The following PASK variants were observed in gnomAD, a reference collection of about 807,000 sequenced individuals.
The protein encoded by PASK is PAS domain containing serine/threonine kinase.
In PASK, 110 loss-of-function variants were observed where a neutral mutation model predicts 121.0. The ratio of observed to expected loss-of-function variants is 0.91; its 90% CI spans 0.78 to 1.06. The LOEUF (loss-of-function observed/expected upper bound fraction) is 1.06. Among genes scored for constraint, PASK ranks in the 50% least tolerant of loss-of-function variants. The pLI is 0.00. For synonymous variants in PASK, 686 were observed against 717.8 expected, an observed-to-expected ratio of 0.96 and a Z score of 0.71; for missense variants, 1,643 against 1,702.3, an observed-to-expected ratio of 0.97 and a Z score of 0.61.
chr2:241,113,062 C>T (rs1024658939), intron 14 of PASK, among the ~76,000 whole-genome samples: 6 of 152,212 alleles, frequency 3.9e-5, no homozygotes, highest in African/African-American at 1.4e-4. Context: ...GCTTCGTTCC[C>T]ACGGAGGTGC....
intron 14 of PASK, chr2:241,114,812 C>T (rs924410687): frequency 3.5e-6 from 5 of 1,436,326 alleles, no homozygotes; most frequent in African/African-American, 1.4e-5. Context: ...CATACTTTCT[C>T]AGTCATTCCA....
In PASK at chr2:241,130,563, G is replaced by A. The variant is rs151008825; in HGVS notation, c.1463+2311C>T. On this transcript the variant is annotated intron_variant, in intron 9 of 17. Coordinates refer to ENST00000234040, the MANE Select transcript of PASK (RefSeq NM_015148.4). The stretch of plus-strand genomic sequence containing the variant: ...CACGGCCGCCCCACTTCAGCTTGGT[G>A]GCACCTCTGGAGAGGTGCGCACAGC... 1.1e-3 allele frequency among the ~76,000 whole-genome samples: 163 copies of A among 152,202 alleles called. 5 individuals carry two copies. The highest frequency in any genetic ancestry group is 8.9e-3 in the Admixed American group (136 of 15,290).
intron 12 of PASK, among the ~76,000 whole-genome samples, chr2:241,119,096 A>G (rs894849097): frequency 2.0e-5 from 3 of 152,142 alleles, no homozygotes; most frequent in Admixed American, 2.0e-4. Flanking sequence ...CACAAACCAA[A>G]GATACCATAG....
intron 1 of PASK, among the ~76,000 whole-genome samples, chr2:241,144,224 C>A (rs998139986): frequency 6.6e-6 from 1 of 152,178 alleles, no homozygotes; most frequent in Non-Finnish European, 1.5e-5. Context: ...GACCACCCTG[C>A]AGAGTGGAGA....
At chr2:241,137,896 G>T in intron 6 of PASK, 57 bp downstream of exon 6, 1 of 1,594,316 alleles carries the variant, frequency 6.3e-7, no homozygotes, top group Non-Finnish European at 8.6e-7. Flanking sequence ...CTCCAGTTAT[G>T]GATTCAGAGC....
upstream of PASK, chr2:241,149,518 C>A: frequency 1.3e-6 from 1 of 787,390 alleles, no homozygotes; most frequent in Non-Finnish European, 2.0e-6. Context: ...CACCGATTGA[C>A]AAGCTCCACG....
At chr2:241,114,903 T>A (rs751689403) in intron 14 of PASK, 140 bp downstream of exon 14, 2 of 1,561,100 alleles carry the variant, frequency 1.3e-6, no homozygotes, top group Middle Eastern at 2.1e-4. Context: ...AAAATATATA[T>A]CCTACTCCAT....
intron 2 of PASK, among the ~76,000 whole-genome samples, chr2:241,141,868 C>T (rs1226586532): frequency 6.6e-6 from 1 of 152,156 alleles, no homozygotes; most frequent in Admixed American, 6.5e-5. Flanking sequence ...CAGCCACTCT[C>T]GCCCCTGCTC....
rs2064974401 is a variant in PASK, at chr2:241,108,375, A to G, written c.3534-75T>C. ...GCCAAGCCCGCCCATGGGAAGCACC[A>G]TGGCCCTTCCCGACCAGCACACAGG... is the stretch of plus-strand genomic sequence containing the variant. On this transcript the variant is annotated intron_variant, in intron 15 of 17. Transcript: ENST00000234040. This position sits in a 1 kb window ranked among gnomAD's most constrained non-coding sequence, Gnocchi z 5.2. The G allele has an allele frequency of 2.0e-6, 3 of 1,491,392 alleles. No homozygotes were observed. Among genetic ancestry groups the G allele is most frequent in the Admixed American group, 1.7e-5 (1 of 59,176 alleles). The allele number at this position is 1,491,392 out of a possible 1,614,324, so 92.4% of individuals were successfully genotyped here.
At chr2:241,139,454 A>G in intron 4 of PASK, 1 of 464,540 alleles carries the variant, frequency 2.2e-6, no homozygotes, top group Non-Finnish European at 4.5e-6. Context: ...TGAGAGAATC[A>G]ACACTGTCTA....
In PASK at chr2:241,122,813, T is replaced by G. The variant is rs2065676108; in HGVS notation, c.2991A>C (p.Gln997His). 6.2e-7 allele frequency: 1 copy of G among 1,614,014 alleles called. No homozygotes were observed. The highest frequency in any genetic ancestry group is 1.1e-5 in the South Asian group (1 of 91,084). ...CCAGCGGGCTCATGGTACTGTACTT[T>G]TGGGAGTACTCGCCCTCACAGGCCG... ...GLAACEGEYS[Q>H]KYSTMSPLGS... The change falls in exon 12 of 18, where the codon CAA becomes CAC. Residue 997 changes from glutamine (Q) to histidine (H), a missense_variant. Physicochemically the swap from Gln to His is conservative, Grantham distance 24. Transcript: ENST00000234040.
intron 15 of PASK, among the ~76,000 whole-genome samples, chr2:241,111,003 G>A (rs2065089047): frequency 6.6e-6 from 1 of 152,244 alleles, no homozygotes; most frequent in African/African-American, 2.4e-5. Context: ...GCCTGGCATG[G>A]AGAGGTTGGC....
chr2:241,150,332 C>T, upstream of PASK: 15 of 1,321,190 alleles, frequency 1.1e-5, no homozygotes, highest in Non-Finnish European at 1.5e-5. Flanking sequence ...CGCGCGGCCT[C>T]ATGACGGAAC....
Position 241,127,169 on chromosome 2 carries a change from G to T in PASK, c.1746C>A (p.Ser582Arg), listed in dbSNP as rs9677402. The T allele has an allele frequency of 6.2e-7, 1 of 1,614,104 alleles. No individual in the cohort carries two copies. The change falls in exon 10 of 18, where the codon AGC becomes AGA. Residue 582 changes from serine (S) to arginine (R), a missense_variant. By Grantham distance (110) the Ser-to-Arg change is moderately radical. Transcript: ENST00000234040. The part of the protein sequence containing the change: ...QLERMGVSGP[S>R]GSDLWAGAAV... ...CAGCCCCAGCCCAAAGGTCTGAACC[G>T]CTGGGACCACTGACTCCCATCCGCT...
chr2:241,145,192 C>T (rs1366498937), intron 1 of PASK, among the ~76,000 whole-genome samples: 8 of 152,112 alleles, frequency 5.3e-5, no homozygotes, highest in Admixed American at 5.2e-4. Context: ...GGATTACAGG[C>T]GTGAGCCACC....
At chr2:241,142,022 C>G (rs2066723794) in intron 2 of PASK, among the ~76,000 whole-genome samples, 1 of 152,210 alleles carries the variant, frequency 6.6e-6, no homozygotes, top group South Asian at 2.1e-4. Flanking sequence ...TGAGAACATT[C>G]CTGATCAGCG....
At chr2:241,109,300 G>A (rs1397622082) in intron 15 of PASK, 1 of 152,496 alleles carries the variant, frequency 6.6e-6, no homozygotes, top group African/African-American at 2.4e-5. Flanking sequence ...GCTTGGTGAG[G>A]TGAAGTTGCT....
chr2:241,123,831 A>AG, intron 11 of PASK, 118 bp downstream of exon 11: 1 of 884,106 alleles, frequency 1.1e-6, no homozygotes, highest in African/African-American at 1.7e-5. Flanking sequence ...AAAAAAAAAA[A>AG]AAAAGCTACA....
intron 15 of PASK, among the ~76,000 whole-genome samples, chr2:241,110,730 CAG>C (rs1553606629): frequency 6.6e-6 from 1 of 152,204 alleles, no homozygotes; most frequent in Non-Finnish European, 1.5e-5. Context: ...GGTCAGTGGA[CAG>C]GGGACAGGCA....
Sources: allele counts gnomAD v4.1 joint callset (sites outside exome capture counted in the v4.1 genomes callset), GRCh38; gene constraint gnomAD v4.1.1; non-coding constraint Gnocchi (gnomAD v3.1); transcripts MANE v1.5; gene names NCBI Gene and HGNC (gene_info 2026-07-23, HGNC 2026-07-21).